Variants in GAS6 observed in about 807,000 individuals in gnomAD.
The protein encoded by GAS6 is growth arrest specific 6, also known as growth arrest-specific protein 6.
Under a neutral mutation model 75.8 loss-of-function variants are expected in GAS6, and 41 were observed. The ratio of observed to expected loss-of-function variants is 0.54; its 90% CI spans 0.42 to 0.70. The LOEUF is 0.70. Ranked by LOEUF, GAS6 falls within the 30% of genes least tolerant of loss-of-function variation. The pLI is 0.00. For missense variants in GAS6, 854 were observed against 940.2 expected (o/e 0.91, Z 1.20); for synonymous variants, 432 against 412.6 (o/e 1.05, Z -0.57).
chr13:113,860,586 C>T (rs990025717), intron 2 of GAS6, among the ~76,000 whole-genome samples: 2 of 152,130 alleles, frequency 1.3e-5, no homozygotes, highest in Non-Finnish European at 2.9e-5. Flanking sequence ...GGGGAGTTAC[C>T]CAGTCTTCTC....
intron 6 of GAS6, 121 bp from the exon 7 acceptor site, chr13:113,835,756 C>T: frequency 6.7e-7 from 1 of 1,487,752 alleles, no homozygotes; most frequent in East Asian, 2.3e-5. Flanking sequence ...TCTGTGGGGC[C>T]AGCGCGCCCT....
rs1477544452 is a variant in GAS6, at chr13:113,835,637, T to C, written c.590-2A>G. On this transcript the variant is annotated splice_acceptor_variant, in intron 6 of 14. Transcript: ENST00000327773. LOFTEE classifies it high-confidence loss of function. ...CCGAGTCTGCGCACTCGTCTATGTC[T>C]GCAAGCAAAAAAAAACCGGCCAACC... 6.2e-7 allele frequency: 1 copy of C among 1,609,134 alleles called. No individual in the cohort carries two copies. The highest frequency in any genetic ancestry group is 8.5e-7 in the Non-Finnish European group (1 of 1,178,526).
chr13:113,822,772 T>G (rs1370490304), intron 13 of GAS6: 1 of 153,620 alleles, frequency 6.5e-6, no homozygotes, highest in Non-Finnish European at 1.4e-5. Flanking sequence ...CGTGAGCCTC[T>G]CTGGTTTGAC....
chr13:113,859,063 C>T lies in GAS6; in HGVS notation c.255+4512G>A, dbSNP rs375331808. On this transcript the variant is annotated intron_variant, in intron 2 of 14. Coordinates refer to ENST00000327773, the MANE Select transcript of GAS6 (RefSeq NM_000820.4). ...TCTGGACAGTGTGTGACTGTGTGTA[C>T]GTATGTCTATGTGAATGTGTGCATG... 5.4e-5 allele frequency among the ~76,000 whole-genome samples: 7 copies of T among 130,606 alleles called. No homozygotes were observed. In the East Asian group the frequency reaches 1.4e-3, roughly 26 times the overall value. The allele number at this position is 130,606 out of a possible 152,430, so 85.7% of individuals were successfully genotyped here.
At chr13:113,852,438 C>T (rs550574346) in intron 2 of GAS6, among the ~76,000 whole-genome samples, 1 of 152,280 alleles carries the variant, frequency 6.6e-6, no homozygotes, top group Admixed American at 6.5e-5. Flanking sequence ...GGAAACTGAA[C>T]CTGAAGCAGC....
rs760549233 is a variant in GAS6 at position 113,835,643 on chromosome 13, CAAAA to C, written c.590-12_590-9del. 1 of 1,588,318 alleles carries C rather than the reference CAAAA, an allele frequency of 6.3e-7. No homozygotes were observed. Among genetic ancestry groups the C allele is most frequent in the Admixed American group, 1.8e-5 (1 of 56,340 alleles). On this transcript the variant is annotated splice_polypyrimidine_tract_variant and intron_variant, in intron 6 of 14. Coordinates refer to ENST00000327773, the MANE Select transcript of GAS6 (RefSeq NM_000820.4). Reference sequence around the variant, plus strand: ...CTGCGCACTCGTCTATGTCTGCAAGCAAAAAAAAACCGGCCAACCGCAGCACAGC... The same window carrying C: ...CTGCGCACTCGTCTATGTCTGCAAGCAAAAACCGGCCAACCGCAGCACAGC...
In GAS6 at chr13:113,837,560, G is replaced by C. The variant is rs939367819; in HGVS notation, c.589+509C>G. Among the ~76,000 whole-genome samples, 1 of 152,106 alleles carries C rather than the reference G, an allele frequency of 6.6e-6. No individual in the cohort carries two copies. The highest frequency in any genetic ancestry group is 1.5e-5 in the Non-Finnish European group (1 of 68,006). ...GCGCACATTCACAGTGACTTTCTGG[G>C]GTGTCCTGGGGCTCCCCAGCTCTGG... On this transcript the variant is annotated intron_variant, in intron 6 of 14. Coordinates refer to ENST00000327773, the MANE Select transcript of GAS6 (RefSeq NM_000820.4). The surrounding 1 kb of genome is among the most constrained non-coding windows in gnomAD (Gnocchi z 5.1).
At chr13:113,821,487 T>C (rs7490130) in intron 14 of GAS6, 74,689 of 222,484 alleles carry the variant, frequency 0.34, 15,147 homozygotes, top group African/African-American at 0.57. Flanking sequence ...TCCCAGCTCA[T>C]GGCAAGGACA....
intron 2 of GAS6, among the ~76,000 whole-genome samples, chr13:113,859,504 ATG>A (rs1323033349): frequency 8.1e-5 from 12 of 148,508 alleles, no homozygotes; most frequent in East Asian, 2.0e-4. Flanking sequence ...GTCTGTTAGT[ATG>A]TGTGTGTGCC....
At chr13:113,856,516 T>C (rs1043733066) in intron 2 of GAS6, among the ~76,000 whole-genome samples, 23 of 151,832 alleles carry the variant, frequency 1.5e-4, no homozygotes, top group African/African-American at 5.6e-4. Context: ...CCGTGCACGA[T>C]TCATCTTTCA....
intron 10 of GAS6, among the ~76,000 whole-genome samples, chr13:113,830,633 C>G (rs71449030): frequency 0.014 from 1,113 of 79,798 alleles, 40 homozygotes; most frequent in South Asian, 0.036. Flanking sequence ...GGCCCCTCCT[C>G]CCCATGGCTC....
At chr13:113,838,288 C>T in intron 5 of GAS6, 97 bp from the exon 6 acceptor site, 1 of 1,485,958 alleles carries the variant, frequency 6.7e-7, no homozygotes, top group East Asian at 2.3e-5. Context: ...AGCCCTGGAG[C>T]AGGGAGGGAG....
intron 3 of GAS6, 120 bp from the exon 4 acceptor site, chr13:113,846,709 C>T (rs2051836546): frequency 5.1e-6 from 4 of 783,468 alleles, no homozygotes; most frequent in Admixed American, 2.1e-5. Flanking sequence ...TGCTATCATC[C>T]TCCAGAAACA....
intron 2 of GAS6, among the ~76,000 whole-genome samples, chr13:113,850,844 G>A (rs1237055872): frequency 6.6e-6 from 1 of 152,042 alleles, no homozygotes; most frequent in African/African-American, 2.4e-5. Context: ...ATAGATGGAT[G>A]GATAGATGCA....
At chr13:113,834,881 G>T in intron 7 of GAS6, 1 of 446,278 alleles carries the variant, frequency 2.2e-6, no homozygotes, top group Non-Finnish European at 3.8e-6. Context: ...CTTTCTTGAG[G>T]GAATAAAAAT....
chr13:113,835,455 C>T, intron 7 of GAS6, 58 bp downstream of exon 7: 1 of 1,587,400 alleles, frequency 6.3e-7, no homozygotes, highest in Non-Finnish European at 8.6e-7. Context: ...CAGTGACTGG[C>T]ACCCGTGTCT....
chr13:113,837,939 G>A lies in GAS6; in HGVS notation c.589+130C>T. Reference sequence around the variant, plus strand: ...GCTGGCCTGGGCTTGTGTAGTCTCTGCAGGATGCCCCATCCCATCCAGAAC... The same window carrying A: ...GCTGGCCTGGGCTTGTGTAGTCTCTACAGGATGCCCCATCCCATCCAGAAC... On this transcript the variant is annotated intron_variant, in intron 6 of 14. Transcript: ENST00000327773. This position sits in a 1 kb window ranked among gnomAD's most constrained non-coding sequence, Gnocchi z 5.1. 2 of 1,099,218 alleles carry A rather than the reference G, an allele frequency of 1.8e-6. No individual in the cohort carries two copies. Among genetic ancestry groups the A allele is most frequent in the South Asian group, 2.9e-5 (2 of 69,188 alleles). 68.1% of individuals were successfully genotyped at this position (1,099,218 alleles called of 1,614,324 possible). A position where few individuals can be genotyped will look rare whatever the true frequency, so the allele number is the denominator to read the frequency against.
At position 113,832,318 on chromosome 13, in the gene GAS6, T is replaced by C. The variant is rs1159991471; in HGVS notation, c.1124A>G (p.Asn375Ser). The change falls in exon 10 of 15, where the codon AAC becomes AGC. Residue 375 changes from asparagine (N) to serine (S), a missense_variant. Transcript: ENST00000327773. ...ACTCACTGTCTGCCACATGCCATGGTTGATGACCGGGCCGCTGCTGGTGAC... is the reference window on the plus strand; with the variant it reads ...ACTCACTGTCTGCCACATGCCATGGCTGATGACCGGGCCGCTGCTGGTGAC... ...GRVTSSGPVI[N>S]HGMWQTISVE... is the part of the protein sequence containing the mutation. 1.3e-6 allele frequency: 2 copies of C among 1,599,690 alleles called. No individual in the cohort carries two copies. Among genetic ancestry groups the C allele is most frequent in the Non-Finnish European group, 1.7e-6 (2 of 1,179,762 alleles).
At chr13:113,847,767 C>G in intron 3 of GAS6, 1 of 507,982 alleles carries the variant, frequency 2.0e-6, no homozygotes, top group Non-Finnish European at 3.5e-6. Context: ...AGGAGCTGAG[C>G]CTGGCATCAA....
Sources: allele counts gnomAD v4.1 joint callset (sites outside exome capture counted in the v4.1 genomes callset), GRCh38; gene constraint gnomAD v4.1.1; non-coding constraint Gnocchi (gnomAD v3.1); transcripts MANE v1.5; gene names NCBI Gene and HGNC (gene_info 2026-07-23, HGNC 2026-07-21).